The following MAN2B1 variants were observed in gnomAD, a reference collection of about 807,000 sequenced individuals.
The protein encoded by MAN2B1 is lysosomal alpha-mannosidase.
MAN2B1 carries 99 observed loss-of-function variants against 127.5 expected under a neutral mutation model. The observed-to-expected ratio is 0.78, with a 90% CI of 0.66 to 0.92. The LOEUF (loss-of-function observed/expected upper bound fraction) is 0.92, where lower values mean the gene tolerates loss of function less well. Ranked by LOEUF, MAN2B1 falls within the 40% of genes least tolerant of loss-of-function variation. The probability of loss-of-function intolerance (pLI) is 0.00; values close to 1 mark genes in which losing one functional copy is unlikely to be tolerated. For missense variants in MAN2B1, 1,304 were observed against 1,384.8 expected (o/e 0.94, Z 0.93); for synonymous variants, 573 against 568.8 (o/e 1.01, Z -0.11).
rs1475918035 is a variant in MAN2B1 at position 12,650,242 on chromosome 19, G to A, written c.2047-20C>T. 2 of 1,506,386 alleles carry A rather than the reference G, an allele frequency of 1.3e-6. No homozygotes were observed. Among genetic ancestry groups the A allele is most frequent in the Non-Finnish European group, 1.8e-6 (2 of 1,083,130 alleles). The allele number at this position is 1,506,386 out of a possible 1,614,324, so 93.3% of individuals were successfully genotyped here. ...GGGTGTCTGCGGGCACACGGGTGAG[G>A]TGGATGTCAGTCTGTACCTGAGCAG... is the stretch of plus-strand genomic sequence containing the variant. On this transcript the variant is annotated intron_variant, in intron 16 of 23. Transcript: ENST00000456935.
chr19:12,660,752 A>AT (rs1168857464), intron 7 of MAN2B1: 3,964 of 102,158 alleles, frequency 0.039, 192 homozygotes, highest in African/African-American at 0.1. Flanking sequence ...CTCAGGCTGG[A>AT]TTTTTTTTTT....
At chr19:12,657,887 G>T in intron 10 of MAN2B1, 176 bp downstream of exon 10, 1 of 672,374 alleles carries the variant, frequency 1.5e-6, no homozygotes, top group Non-Finnish European at 2.5e-6. Context: ...CACGGGAGGT[G>T]GAGCTTGCAG....
At chr19:12,649,752 G>C (rs746989733) in intron 18 of MAN2B1, among the ~76,000 whole-genome samples, 161 bp downstream of exon 18, 23 of 151,838 alleles carry the variant, frequency 1.5e-4, no homozygotes, top group Non-Finnish European at 2.5e-4. Context: ...AAAGTGCTGG[G>C]ATTACAGGCG....
intron 4 of MAN2B1, among the ~76,000 whole-genome samples, chr19:12,664,283 G>A (rs2024175571): frequency 6.6e-6 from 1 of 152,176 alleles, no homozygotes; most frequent in South Asian, 2.1e-4. Context: ...TTATTTCCAA[G>A]CTTGGGGAAG....
chr19:12,665,817 C>T lies in MAN2B1; in HGVS notation c.160-12G>A, dbSNP rs775808824. The stretch of plus-strand genomic sequence containing the variant: ...ACTGTGGGGCATGTCTGCACAGGGA[C>T]CCCAAACACACATACCTTGTCAATA... On this transcript the variant is annotated splice_polypyrimidine_tract_variant and intron_variant, in intron 1 of 23. Coordinates refer to ENST00000456935, the MANE Select transcript of MAN2B1 (RefSeq NM_000528.4). 17 of 1,605,500 alleles carry T rather than the reference C, an allele frequency of 1.1e-5. No individual in the cohort carries two copies. In the Admixed American group the frequency reaches 2.3e-4, roughly 22 times the overall value.
chr19:12,662,097 G>A (rs1442510770), intron 6 of MAN2B1, among the ~76,000 whole-genome samples: 5 of 151,864 alleles, frequency 3.3e-5, no homozygotes, highest in African/African-American at 2.4e-5. Flanking sequence ...TGCCCATCTC[G>A]GCCTCTCAAA....
intron 16 of MAN2B1, 94 bp downstream of exon 16, chr19:12,652,059 T>C (rs887509274): frequency 1.6e-5 from 15 of 936,944 alleles, no homozygotes; most frequent in African/African-American, 8.1e-5. Context: ...AAGTAAATCC[T>C]CCCCTACCCT....
chr19:12,649,373 A>G lies in MAN2B1; in HGVS notation c.2323T>C (p.Tyr775His). 6 of 1,607,268 alleles carry G rather than the reference A, an allele frequency of 3.7e-6. No homozygotes were observed. Among genetic ancestry groups the G allele is most frequent in the Non-Finnish European group, 5.1e-6 (6 of 1,177,168 alleles). ...TAAATCCGGGTGTTGACTGGATAGT[A>G]GTTTCCTGCCACGGGCTCCGTCTGG... The part of the protein sequence containing the change: ...LNQTEPVAGN[Y>H]YPVNTRIYIT... Residue 775 changes from tyrosine to histidine, a missense_variant, in exon 19 of 24, where the codon TAC (tyrosine) becomes CAC (histidine). Coordinates refer to ENST00000456935, the MANE Select transcript of MAN2B1 (RefSeq NM_000528.4).
Position 12,655,965 on chromosome 19 carries a change from A to G in MAN2B1, c.1645-86T>C, listed in dbSNP as rs2023944619. On this transcript the variant is annotated intron_variant, in intron 13 of 23. Transcript: ENST00000456935. Reference sequence around the variant, plus strand: ...GAGACAAAAAACTCAAGGAAGGAAAAGAGTCCTGAGATGGGGAAAGGAAAT... The same window carrying G: ...GAGACAAAAAACTCAAGGAAGGAAAGGAGTCCTGAGATGGGGAAAGGAAAT... 3.8e-6 allele frequency: 4 copies of G among 1,060,572 alleles called. No homozygotes were observed. In the Admixed American group the frequency reaches 7.5e-5, roughly 20 times the overall value. 65.7% of individuals were successfully genotyped at this position (1,060,572 alleles called of 1,614,324 possible).
At chr19:12,665,130 G>T in intron 3 of MAN2B1, 145 bp from the exon 4 acceptor site, 1 of 1,034,848 alleles carries the variant, frequency 9.7e-7, no homozygotes, top group Non-Finnish European at 1.5e-6. Flanking sequence ...ATAGTTCCCA[G>T]ATATGGGAAA....
At chr19:12,657,089 A>T (rs759026111) in intron 11 of MAN2B1, 33 bp from the exon 12 acceptor site, 1 of 1,326,634 alleles carries the variant, frequency 7.5e-7, no homozygotes, top group African/African-American at 1.4e-5. Context: ...CGGTGGGTTC[A>T]GGACGCCAGG....
chr19:12,650,714 A>C (rs2023825571), intron 16 of MAN2B1, among the ~76,000 whole-genome samples: 3 of 147,324 alleles, frequency 2.0e-5, no homozygotes, highest in Admixed American at 1.4e-4. Flanking sequence ...CTTGTTGCCC[A>C]GGATGGAGTG....
intron 3 of MAN2B1, 21 bp from the exon 4 acceptor site, chr19:12,665,006 T>C (rs201672915): frequency 1.2e-6 from 2 of 1,610,594 alleles, no homozygotes; most frequent in Non-Finnish European, 1.7e-6. Context: ...ACAGGCAAGG[T>C]CAGGGTCAGC....
At chr19:12,648,424 G>T in intron 20 of MAN2B1, 22 bp from the exon 21 acceptor site, 1 of 1,585,388 alleles carries the variant, frequency 6.3e-7, no homozygotes. Context: ...GTGGCCAGGA[G>T]GGGGTGAGAG....
In MAN2B1 at chr19:12,663,308, C is replaced by T. The variant is rs767907971; in HGVS notation, c.909+9G>A. On this transcript the variant is annotated intron_variant, in intron 6 of 23. Coordinates refer to ENST00000456935, the MANE Select transcript of MAN2B1 (RefSeq NM_000528.4). ...TACCGGACTCGAAGGTTCTGGACAC[C>T]AGGGTTACCTGGGCAGTGGCCACAT... 8.7e-6 allele frequency: 14 copies of T among 1,614,064 alleles called. No homozygotes were observed. The highest frequency in any genetic ancestry group is 2.7e-5 in the African/African-American group (2 of 74,918).
rs772270721 is a variant in MAN2B1, at chr19:12,655,716, G to A, written c.1808C>T (p.Pro603Leu). The stretch of plus-strand genomic sequence containing the variant: ...CACCTCATTTTCGATGGTTAAAGCA[G>A]GGGACCAGGATCTTCTGGGGATGGG... ...PQPIPRRSWS[P>L]ALTIENEHIR... The change falls in exon 14 of 24, where the codon CCT becomes CTT. Residue 603 changes from proline (P) to leucine (L), a missense_variant. Coordinates refer to ENST00000456935, the MANE Select transcript of MAN2B1 (RefSeq NM_000528.4). 15 of 1,609,776 alleles carry A rather than the reference G, an allele frequency of 9.3e-6. No individual in the cohort carries two copies. Among genetic ancestry groups the A allele is most frequent in the Middle Eastern group, 1.7e-4 (1 of 6,054 alleles).
chr19:12,657,407 G>A, intron 11 of MAN2B1, 39 bp downstream of exon 11: 1 of 1,517,076 alleles, frequency 6.6e-7, no homozygotes, highest in Non-Finnish European at 8.9e-7. Flanking sequence ...GCCCCTTCCT[G>A]TCTCCACCCC....
Position 12,659,328 on chromosome 19 carries a change from G to C in MAN2B1, c.1027-818C>G, listed in dbSNP as rs182593534. Among the ~76,000 whole-genome samples, 1,091 of 139,890 alleles carry C rather than the reference G, an allele frequency of 7.8e-3. 13 individuals carry two copies. Among genetic ancestry groups the C allele is most frequent in the African/African-American group, 0.028 (1,052 of 37,118 alleles). 91.8% of individuals were successfully genotyped at this position (139,890 alleles called of 152,430 possible). ...TTTTTTTTTTTTTTTTTGAGACTGA[G>C]TCTGACTCTGTCGCCCAAGCTGGAG... On this transcript the variant is annotated intron_variant, in intron 7 of 23. Coordinates refer to ENST00000456935, the MANE Select transcript of MAN2B1 (RefSeq NM_000528.4).
rs1186717379 is a variant in MAN2B1, at chr19:12,648,180, T to C, written c.2659A>G (p.Thr887Ala). 3.3e-6 allele frequency: 5 copies of C among 1,537,158 alleles called. No individual in the cohort carries two copies. The African/African-American group carries it at 6.9e-5, about 21-fold the overall frequency. The change falls in exon 21 of 24, where the codon ACG (threonine) becomes GCG (alanine). Residue 887 changes from threonine (T) to alanine (A), a missense_variant. Coordinates refer to ENST00000456935, the MANE Select transcript of MAN2B1 (RefSeq NM_000528.4). ...CCTACCCCGCTGCCCCTCACCTGCG[T>C]GCGCGGAGGAGCCCCGAGATTGTAG... ...AAYNLGAPPR[T>A]QFSGLRRDLP... is the part of the protein sequence containing the mutation.
Sources: gnomAD v4.1 joint callset for allele counts (sites outside exome capture counted in the v4.1 genomes callset) on GRCh38, gnomAD v4.1.1 for gene constraint, MANE v1.5 for transcripts, NCBI Gene and HGNC (gene_info 2026-07-23, HGNC 2026-07-21) for gene names.